The following SLCO3A1 variants were observed in gnomAD, a reference collection of about 807,000 sequenced individuals.
SLCO3A1 encodes PGE1 transporter.
In SLCO3A1, 27 loss-of-function variants were observed where a neutral mutation model predicts 63.1. The observed-to-expected ratio is 0.43, with a 90% CI of 0.32 to 0.59. The LOEUF is 0.59. Ranked by LOEUF, SLCO3A1 falls within the 20% of genes least tolerant of loss-of-function variation. The pLI is 0.09. For missense variants in SLCO3A1, 773 were observed against 945.8 expected (o/e 0.82, Z 2.40); for synonymous variants, 473 against 409.9 (o/e 1.15, Z -1.86).
rs939144094 is a variant in SLCO3A1, at chr15:91,900,161, G to A, written c.181-15832G>A. ...TTAATTCTCTTAGGTAGATACCTGG[G>A]AGTAGAATTACTGGGTCATGTGGTA... On this transcript the variant is annotated intron_variant, in intron 1 of 9. Transcript: ENST00000318445. This position sits in a 1 kb window ranked among gnomAD's most constrained non-coding sequence, Gnocchi z 4.3. Among the ~76,000 whole-genome samples the A allele has an allele frequency of 6.6e-6, 1 of 152,164 alleles. No individual in the cohort carries two copies. Among genetic ancestry groups the A allele is most frequent in the Middle Eastern group, 3.2e-3 (1 of 316 alleles).
intron 7 of SLCO3A1, among the ~76,000 whole-genome samples, chr15:92,131,305 G>A (rs775918867): frequency 1.3e-5 from 2 of 150,924 alleles, no homozygotes; most frequent in Admixed American, 6.6e-5. Flanking sequence ...CATTTATTTG[G>A]CCTTTACCAT....
chr15:92,105,776 G>T (rs1050295598), intron 4 of SLCO3A1, among the ~76,000 whole-genome samples: 8 of 152,188 alleles, frequency 5.3e-5, no homozygotes, highest in Non-Finnish European at 1.0e-4. Context: ...AAGGGAGATG[G>T]TCAGTCCCCT....
intron 2 of SLCO3A1, among the ~76,000 whole-genome samples, chr15:92,027,463 A>G (rs968730464): frequency 1.1e-4 from 16 of 152,212 alleles, no homozygotes; most frequent in African/African-American, 3.4e-4. Flanking sequence ...AGGCTCAGAG[A>G]TTTAGCAACT....
rs1897152933 is a variant in SLCO3A1, at chr15:91,865,886, G to A, written c.180+11798G>A. On this transcript the variant is annotated intron_variant, in intron 1 of 9. Transcript: ENST00000318445. This position sits in a 1 kb window ranked among gnomAD's most constrained non-coding sequence, Gnocchi z 4.6. Reference sequence around the variant, plus strand: ...AACACCAGAGAAGAAAAGAGCAAAGGATCCTAAAACAGTCTGTGTGTACAA... The same window carrying A: ...AACACCAGAGAAGAAAAGAGCAAAGAATCCTAAAACAGTCTGTGTGTACAA... 6.6e-6 allele frequency among the ~76,000 whole-genome samples: 1 copy of A among 152,194 alleles called. No homozygotes were observed. Among genetic ancestry groups the A allele is most frequent in the South Asian group, 2.1e-4 (1 of 4,830 alleles).
intron 2 of SLCO3A1, among the ~76,000 whole-genome samples, chr15:92,017,710 T>C (rs1179244110): frequency 6.6e-6 from 1 of 152,052 alleles, no homozygotes; most frequent in Non-Finnish European, 1.5e-5. Flanking sequence ...TGTGGAGGAT[T>C]GGCTCAGGAG....
In SLCO3A1 at chr15:92,033,145, CA is replaced by C. The variant is rs1483515991; in HGVS notation, c.647-61732del. 6.6e-6 allele frequency among the ~76,000 whole-genome samples: 1 copy of C among 152,098 alleles called. No individual in the cohort carries two copies. The highest frequency in any genetic ancestry group is 2.1e-4 in the South Asian group (1 of 4,804). On this transcript the variant is annotated intron_variant, in intron 2 of 9. Transcript: ENST00000318445. This position sits in a 1 kb window ranked among gnomAD's most constrained non-coding sequence, Gnocchi z 4.5. ...CAAAGAATCTCACGTGTAAAAAAAA[CA>C]AAAGAACTCCATGGATGGGGCATTG...
chr15:92,006,965 G>C (rs994773651), intron 2 of SLCO3A1, among the ~76,000 whole-genome samples: 2 of 152,154 alleles, frequency 1.3e-5, no homozygotes, highest in Non-Finnish European at 1.5e-5. Flanking sequence ...TAGCAGAAAG[G>C]CTCGTTAATT....
chr15:92,038,321 A>T (rs35910954), intron 2 of SLCO3A1, among the ~76,000 whole-genome samples: 38,897 of 152,032 alleles, frequency 0.26, 5,084 homozygotes, highest in East Asian at 0.38. Context: ...TTTGCCTTCT[A>T]TAAACATAAA....
chr15:91,877,204 G>A (rs1054709776), intron 1 of SLCO3A1, among the ~76,000 whole-genome samples: 11 of 152,194 alleles, frequency 7.2e-5, no homozygotes, highest in Non-Finnish European at 1.2e-4. Flanking sequence ...AACCACTTAA[G>A]TAGCTGTTTA....
chr15:92,057,259 T>C (rs919959141), intron 2 of SLCO3A1, among the ~76,000 whole-genome samples: 1 of 152,234 alleles, frequency 6.6e-6, no homozygotes, highest in African/African-American at 2.4e-5. Flanking sequence ...CCCATGCCCC[T>C]TCCCTAGGGC....
intron 2 of SLCO3A1, among the ~76,000 whole-genome samples, chr15:92,046,778 C>T (rs1432747564): frequency 2.6e-5 from 4 of 150,950 alleles, no homozygotes; most frequent in African/African-American, 9.7e-5. Flanking sequence ...GGATTTCATT[C>T]CGCAGAGAGT....
Position 92,162,879 on chromosome 15 carries a change from A to G in SLCO3A1, c.1877A>G (p.Tyr626Cys). 1 of 1,614,206 alleles carries G rather than the reference A, an allele frequency of 6.2e-7. No homozygotes were observed. The highest frequency in any genetic ancestry group is 8.5e-7 in the Non-Finnish European group (1 of 1,180,050). The change falls in exon 10 of 10, where the codon TAT becomes TGT. Residue 626 changes from tyrosine to cysteine, a missense_variant. By Grantham distance (194) the Tyr-to-Cys change is radical. This residue lies in a region of SLCO3A1 where 139 missense variants were observed against 131.4 expected (regional missense o/e 1.06). Transcript: ENST00000318445. The part of the protein sequence containing the change: ...LYDNVVYRYL[Y>C]VSIAIALKSF... ...GACAATGTGGTCTACCGATACCTGT[A>G]TGTCAGCATCGCCATCGCGCTCAAA... is the stretch of plus-strand genomic sequence containing the variant.
At chr15:91,957,066 TTA>T (rs1326875257) in intron 2 of SLCO3A1, among the ~76,000 whole-genome samples, 3 of 4,484 alleles carry the variant, frequency 6.7e-4, no homozygotes, top group Non-Finnish European at 1.3e-3. Context: ...ATACTATATA[TTA>T]TATATATACT....
At chr15:91,951,842 A>T (rs1347692045) in intron 2 of SLCO3A1, among the ~76,000 whole-genome samples, 1 of 151,816 alleles carries the variant, frequency 6.6e-6, no homozygotes, top group Non-Finnish European at 1.5e-5. Context: ...GGCGTGAGCC[A>T]CCGCACCCGG....
At chr15:92,109,903 C>T (rs2047708628) in intron 4 of SLCO3A1, among the ~76,000 whole-genome samples, 1 of 152,096 alleles carries the variant, frequency 6.6e-6, no homozygotes, top group Admixed American at 6.5e-5. Context: ...GATGTTAAAC[C>T]AGGTACTTAG....
chr15:92,128,634 G>C, intron 7 of SLCO3A1, 145 bp downstream of exon 7: 1 of 701,440 alleles, frequency 1.4e-6, no homozygotes, highest in Admixed American at 3.0e-5. Flanking sequence ...CCATCAGCAG[G>C]ATGAGAGGAC....
At chr15:92,017,286 G>T (rs995523860) in intron 2 of SLCO3A1, among the ~76,000 whole-genome samples, 1 of 135,782 alleles carries the variant, frequency 7.4e-6, no homozygotes, top group Non-Finnish European at 1.7e-5. Context: ...AGCTGGGATT[G>T]GGGGGGGGTA....
Position 92,162,778 on chromosome 15 carries a change from C to A in SLCO3A1, c.1776C>A (p.Ile592=), listed in dbSNP as rs760681699. ...RLLGFIPPPL[I]FGAGIDSTCL... Reference sequence around the variant, plus strand: ...CAGGCTTCATCCCTCCACCCCTCATCTTCGGGGCTGGCATCGACTCCACCT... The same window carrying A: ...CAGGCTTCATCCCTCCACCCCTCATATTCGGGGCTGGCATCGACTCCACCT... Residue 592 remains isoleucine, a synonymous_variant, in exon 10 of 10, where the codon ATC becomes ATA. Coordinates refer to ENST00000318445, the MANE Select transcript of SLCO3A1 (RefSeq NM_013272.4). The A allele has an allele frequency of 6.2e-7, 1 of 1,613,584 alleles. No individual in the cohort carries two copies. The highest frequency in any genetic ancestry group is 8.5e-7 in the Non-Finnish European group (1 of 1,179,792).
At chr15:91,984,527 A>G (rs1416969309) in intron 2 of SLCO3A1, among the ~76,000 whole-genome samples, 1 of 152,192 alleles carries the variant, frequency 6.6e-6, no homozygotes, top group Non-Finnish European at 1.5e-5. Flanking sequence ...AAAGGTTGTG[A>G]TAAGTACCAA....
Sources: allele counts gnomAD v4.1 joint callset (sites outside exome capture counted in the v4.1 genomes callset), GRCh38; gene constraint gnomAD v4.1.1; regional missense constraint gnomAD v4.1.1; non-coding constraint Gnocchi (gnomAD v3.1); transcripts MANE v1.5; gene names NCBI Gene and HGNC (gene_info 2026-07-23, HGNC 2026-07-21).